The following CFAP44 variants were observed in gnomAD, a reference collection of about 807,000 sequenced individuals.
CFAP44 encodes cilia and flagella associated protein 44, also known as cilia- and flagella-associated protein 44.
CFAP44 carries 134 observed loss-of-function variants against 216.2 expected under a neutral mutation model. The observed-to-expected ratio is 0.62, with a 90% confidence interval of 0.54 to 0.72. CFAP44 has a LOEUF of 0.72. Among genes scored for constraint, CFAP44 ranks in the 30% least tolerant of loss-of-function variants. CFAP44 has a pLI of 0.00. For missense variants in CFAP44, 2,035 were observed against 2,182.1 expected (o/e 0.93, Z 1.34); for synonymous variants, 700 against 727.6 (o/e 0.96, Z 0.61).
At chr3:113,429,052 A>G (rs1576608617) in intron 2 of CFAP44, 1 of 152,186 alleles carries the variant, frequency 6.6e-6, no homozygotes, top group South Asian at 2.1e-4. Context: ...TTGCACATAC[A>G]GAAAAATCCG....
At chr3:113,392,549 T>C (rs1445725348) in intron 15 of CFAP44, among the ~76,000 whole-genome samples, 7 of 152,100 alleles carry the variant, frequency 4.6e-5, no homozygotes, top group African/African-American at 1.4e-4. Flanking sequence ...TCAAAATAAC[T>C]AAAAGAGTAT....
At chr3:113,405,203 T>A (rs1266978453) in intron 8 of CFAP44, among the ~76,000 whole-genome samples, 5 of 152,208 alleles carry the variant, frequency 3.3e-5, no homozygotes, top group Non-Finnish European at 7.3e-5. Flanking sequence ...GGTCTACCTA[T>A]TTTTTAACAA....
At chr3:113,405,928 G>A (rs566543331) in intron 8 of CFAP44, among the ~76,000 whole-genome samples, 1 of 152,246 alleles carries the variant, frequency 6.6e-6, no homozygotes, top group East Asian at 1.9e-4. Flanking sequence ...TATATACCAT[G>A]CTTTTGAATT....
intron 6 of CFAP44, among the ~76,000 whole-genome samples, chr3:113,413,764 C>T (rs897188066): frequency 2.0e-5 from 3 of 152,142 alleles, no homozygotes; most frequent in Non-Finnish European, 4.4e-5. Flanking sequence ...TTACTGTAGC[C>T]TTGTAGTATA....
At chr3:113,346,560 C>T (rs1230361459) in intron 22 of CFAP44, among the ~76,000 whole-genome samples, 2 of 150,720 alleles carry the variant, frequency 1.3e-5, no homozygotes, top group Non-Finnish European at 2.9e-5. Context: ...TCTGTAAAAA[C>T]GCACCAATCA....
chr3:113,307,364 T>C (rs965681453), intron 29 of CFAP44, among the ~76,000 whole-genome samples: 1 of 152,226 alleles, frequency 6.6e-6, no homozygotes, highest in Non-Finnish European at 1.5e-5. Flanking sequence ...CACTCATAAA[T>C]GGCTGCCTAA....
At chr3:113,410,611 T>C (rs1934438512) in intron 6 of CFAP44, among the ~76,000 whole-genome samples, 1 of 152,224 alleles carries the variant, frequency 6.6e-6, no homozygotes, top group South Asian at 2.1e-4. Context: ...TGAACATACA[T>C]GTGCATGTGT....
At chr3:113,387,964 G>A (rs1006568665) in intron 15 of CFAP44, among the ~76,000 whole-genome samples, 2 of 152,060 alleles carry the variant, frequency 1.3e-5, no homozygotes, top group Non-Finnish European at 2.9e-5. Flanking sequence ...CTCTGCTTGT[G>A]GAAAAGGGAG....
intron 9 of CFAP44, among the ~76,000 whole-genome samples, chr3:113,403,582 T>A (rs1934197774): frequency 6.6e-6 from 1 of 152,370 alleles, no homozygotes; most frequent in East Asian, 1.9e-4. Context: ...TGTGCTAACA[T>A]GAGTTTTCAT....
intron 28 of CFAP44, among the ~76,000 whole-genome samples, chr3:113,318,209 C>T (rs1235627426): frequency 6.6e-6 from 1 of 151,996 alleles, no homozygotes; most frequent in Non-Finnish European, 1.5e-5. Context: ...AGAAGAAAAC[C>T]AAATTTTTAA....
chr3:113,305,080 G>T lies in CFAP44; in HGVS notation c.4831C>A (p.Arg1611=). 1 of 1,537,220 alleles carries T rather than the reference G, an allele frequency of 6.5e-7. No homozygotes were observed. The highest frequency in any genetic ancestry group is 8.7e-7 in the Non-Finnish European group (1 of 1,146,904). ...LEAYQREKQQ[R]LNELLVVIPL... ...ATCACAACTAGCAGTTCATTCAGCC[G>T]CTGCTGCTTCTCTCGCTGATAAGCC... Residue 1611 remains arginine (R), a synonymous_variant, in exon 31 of 35, where the codon CGG becomes AGG. Transcript: ENST00000393845.
chr3:113,327,516 G>A, intron 27 of CFAP44, 100 bp downstream of exon 27: 1 of 1,064,658 alleles, frequency 9.4e-7, no homozygotes, highest in Non-Finnish European at 1.3e-6. Context: ...AAAGAGATAA[G>A]GGCTAGAACA....
chr3:113,341,178 T>TGGG (rs1950329901), intron 24 of CFAP44, among the ~76,000 whole-genome samples: 1 of 152,164 alleles, frequency 6.6e-6, no homozygotes, highest in African/African-American at 2.4e-5. Context: ...AGGGTGGTCT[T>TGGG]GGGAAATGCA....
intron 24 of CFAP44, among the ~76,000 whole-genome samples, chr3:113,335,193 T>C (rs949548288): frequency 2.0e-5 from 3 of 152,162 alleles, no homozygotes; most frequent in Non-Finnish European, 2.9e-5. Flanking sequence ...ACAAAAAATA[T>C]GTGAAACAAC....
At chr3:113,323,330 G>C (rs1412162702) in intron 28 of CFAP44, among the ~76,000 whole-genome samples, 1 of 152,190 alleles carries the variant, frequency 6.6e-6, no homozygotes, top group East Asian at 1.9e-4. Flanking sequence ...GGATGGAGCT[G>C]GAGGTGATAA....
intron 30 of CFAP44, among the ~76,000 whole-genome samples, chr3:113,305,797 T>C (rs1949979755): frequency 6.6e-6 from 1 of 152,220 alleles, no homozygotes; most frequent in South Asian, 2.1e-4. Context: ...TATTGGGGTA[T>C]AAATTGAAAA....
chr3:113,356,867 A>C (rs1227458581), intron 22 of CFAP44, among the ~76,000 whole-genome samples: 1 of 152,160 alleles, frequency 6.6e-6, no homozygotes, highest in Non-Finnish European at 1.5e-5. Flanking sequence ...GACTAAAGCC[A>C]CATACTACAG....
intron 28 of CFAP44, among the ~76,000 whole-genome samples, chr3:113,318,435 G>A (rs949975910): frequency 6.6e-6 from 1 of 152,106 alleles, no homozygotes; most frequent in Non-Finnish European, 1.5e-5. Context: ...ATTCTACAAA[G>A]AGAACAAATC....
intron 2 of CFAP44, 68 bp downstream of exon 2, chr3:113,433,497 A>C (rs1935161364): frequency 9.8e-7 from 1 of 1,021,166 alleles, no homozygotes; most frequent in East Asian, 3.1e-5. Context: ...TTCTACTATA[A>C]AAATTAATTA....
Sources: allele counts gnomAD v4.1 joint callset (sites outside exome capture counted in the v4.1 genomes callset), GRCh38; gene constraint gnomAD v4.1.1; transcripts MANE v1.5; gene names NCBI Gene and HGNC (gene_info 2026-07-23, HGNC 2026-07-21).